Variants in MAGI2 observed in about 807,000 individuals in gnomAD.
MAGI2 encodes the protein membrane-associated guanylate kinase, WW and PDZ domain-containing protein 2.
Under a neutral mutation model 133.3 loss-of-function variants are expected in MAGI2, and 35 were observed. That is an observed-to-expected ratio of 0.26 (90% confidence interval 0.20 to 0.35). The LOEUF (loss-of-function observed/expected upper bound fraction) is 0.35, where lower values mean the gene tolerates loss of function less well. Ranked by LOEUF, MAGI2 falls within the 10% of genes least tolerant of loss-of-function variation. The pLI, the probability that MAGI2 is intolerant of heterozygous loss-of-function variation, is 1.00. For missense variants in MAGI2, 1,636 were observed against 1,863.4 expected (o/e 0.88, Z 2.25); for synonymous variants, 729 against 710.6 (o/e 1.03, Z -0.41).
chr7:78,096,153 C>A (rs1817670591), intron 20 of MAGI2, among the ~76,000 whole-genome samples: 1 of 152,204 alleles, frequency 6.6e-6, no homozygotes, highest in African/African-American at 2.4e-5. Flanking sequence ...GGATAACTCA[C>A]ATTGTGAAGG....
chr7:78,855,760 G>C (rs752727153), intron 2 of MAGI2, among the ~76,000 whole-genome samples: 1 of 152,178 alleles, frequency 6.6e-6, no homozygotes, highest in Non-Finnish European at 1.5e-5. Flanking sequence ...AATCCTTTGG[G>C]TATACGCCCA....
chr7:78,595,757 G>A (rs1419800010), intron 3 of MAGI2, among the ~76,000 whole-genome samples: 3 of 152,190 alleles, frequency 2.0e-5, no homozygotes, highest in African/African-American at 7.2e-5. Context: ...GTTACGGGGA[G>A]TAGAATGCTG....
intron 1 of MAGI2, among the ~76,000 whole-genome samples, chr7:79,066,742 G>T (rs1195071158): frequency 6.6e-6 from 1 of 152,114 alleles, no homozygotes. Context: ...ATGGTTTCAG[G>T]TCTTATGTTT....
At chr7:78,176,409 TCATCCTTGGAGTATAAGCTCAGCTTC>T (rs1826612280) in intron 14 of MAGI2, among the ~76,000 whole-genome samples, 1 of 152,094 alleles carries the variant, frequency 6.6e-6, no homozygotes, top group Admixed American at 6.6e-5. Flanking sequence ...TGGAGAGCCC[TCATCCTTGGAGTATAAGCTCAGCTTC>T]CTGGGGTTTT....
intron 1 of MAGI2, among the ~76,000 whole-genome samples, chr7:79,274,965 C>G (rs905338268): frequency 1.2e-4 from 18 of 152,298 alleles, no homozygotes; most frequent in African/African-American, 4.3e-4. Context: ...TGTAAGTGTT[C>G]TAACTGCTCC....
At chr7:79,390,670 A>G (rs1309677098) in intron 1 of MAGI2, among the ~76,000 whole-genome samples, 2 of 152,134 alleles carry the variant, frequency 1.3e-5, no homozygotes, top group Non-Finnish European at 2.9e-5. Flanking sequence ...ACTATCTGTA[A>G]AGATTTTGAT....
At chr7:79,330,386 G>C (rs371471636) in intron 1 of MAGI2, among the ~76,000 whole-genome samples, 49 of 151,446 alleles carry the variant, frequency 3.2e-4, no homozygotes, top group African/African-American at 1.1e-3. Flanking sequence ...TAGTAGAGAC[G>C]AGATTTCATC....
intron 3 of MAGI2, among the ~76,000 whole-genome samples, chr7:78,530,609 T>C (rs1426953392): frequency 6.6e-6 from 1 of 152,188 alleles, no homozygotes; most frequent in South Asian, 2.1e-4. Flanking sequence ...TATCCTTTTC[T>C]CTCTTGCATT....
At chr7:78,967,007 C>T (rs892802454) in intron 2 of MAGI2, among the ~76,000 whole-genome samples, 4 of 152,000 alleles carry the variant, frequency 2.6e-5, no homozygotes, top group Admixed American at 1.3e-4. Flanking sequence ...TGCAGTGGTA[C>T]GATCATTGCA....
chr7:78,455,153 T>C (rs534939989), intron 6 of MAGI2, among the ~76,000 whole-genome samples: 7 of 150,426 alleles, frequency 4.7e-5, no homozygotes, highest in African/African-American at 1.7e-4. Context: ...GGAAACTGTA[T>C]ATGTGTGTGG....
intron 1 of MAGI2, among the ~76,000 whole-genome samples, chr7:79,065,736 G>C (rs115295971): frequency 0.012 from 1,751 of 152,090 alleles, 36 homozygotes; most frequent in African/African-American, 0.04. Context: ...GAAATCCCCA[G>C]TGTGTGATGT....
chr7:79,022,953 T>C (rs970814876), intron 1 of MAGI2, among the ~76,000 whole-genome samples: 7 of 151,896 alleles, frequency 4.6e-5, no homozygotes, highest in African/African-American at 1.7e-4. Flanking sequence ...TTCTAAAAAA[T>C]TGAGGAGAAA....
intron 2 of MAGI2, among the ~76,000 whole-genome samples, chr7:78,907,156 C>T (rs151210802): frequency 4.1e-4 from 63 of 152,126 alleles, no homozygotes; most frequent in African/African-American, 1.5e-3. Flanking sequence ...GAGAATGTTC[C>T]GAAGAGAGGA....
At chr7:78,609,086 T>A (rs1165318498) in intron 3 of MAGI2, among the ~76,000 whole-genome samples, 1 of 152,140 alleles carries the variant, frequency 6.6e-6, no homozygotes, top group African/African-American at 2.4e-5. Context: ...AGTCTTACAT[T>A]TTCACGTTTT....
At chr7:79,086,933 T>C (rs914363184) in intron 1 of MAGI2, among the ~76,000 whole-genome samples, 5 of 151,734 alleles carry the variant, frequency 3.3e-5, no homozygotes, top group African/African-American at 1.2e-4. Flanking sequence ...AACTCCTCCA[T>C]TATATAAATA....
At chr7:78,675,562 T>C (rs17161332) in intron 2 of MAGI2, among the ~76,000 whole-genome samples, 7,680 of 152,204 alleles carry the variant, frequency 0.05, 293 homozygotes, top group East Asian at 0.14. Context: ...TTTAAAAGCA[T>C]CAAGGAGAAA....
At chr7:79,367,139 T>C (rs1406274189) in intron 1 of MAGI2, among the ~76,000 whole-genome samples, 1 of 152,128 alleles carries the variant, frequency 6.6e-6, no homozygotes, top group Non-Finnish European at 1.5e-5. Flanking sequence ...ACAGACCAAA[T>C]CCCTCTTCCT....
At chr7:78,233,083 A>G (rs141697981) in intron 10 of MAGI2, among the ~76,000 whole-genome samples, 1 of 152,276 alleles carries the variant, frequency 6.6e-6, no homozygotes, top group Non-Finnish European at 1.5e-5. Flanking sequence ...GATGTAAGAG[A>G]AAAGTTCTGA....
chr7:79,027,695 T>G (rs540169369), intron 1 of MAGI2, among the ~76,000 whole-genome samples: 24 of 152,244 alleles, frequency 1.6e-4, no homozygotes, highest in African/African-American at 5.1e-4. Flanking sequence ...AACCAAAAAA[T>G]AAGTATTTGA....
Sources: allele counts gnomAD v4.1 joint callset (sites outside exome capture counted in the v4.1 genomes callset), GRCh38; gene constraint gnomAD v4.1.1; transcripts MANE v1.5; gene names NCBI Gene and HGNC (gene_info 2026-07-23, HGNC 2026-07-21).